Variants in SART3 observed in about 807,000 individuals in gnomAD.
The protein encoded by SART3 is spliceosome associated factor 3, U4/U6 recycling protein.
In SART3, 44 loss-of-function variants were observed where a neutral mutation model predicts 122.3. The observed-to-expected ratio is 0.36, with a 90% confidence interval of 0.28 to 0.46. SART3 has a LOEUF of 0.46. Ranked by LOEUF, SART3 falls within the 20% of genes least tolerant of loss-of-function variation. SART3 has a pLI of 1.00. For missense variants in SART3, 1,101 were observed against 1,229.0 expected (o/e 0.90, Z 1.56); for synonymous variants, 442 against 454.0 (o/e 0.97, Z 0.34).
rs145444864 is a variant in SART3 at position 108,528,125 on chromosome 12, G to A, written c.1916-1572C>T. ...AAATAAATATGACCCAGAGCTGCCC[G>A]TCCCTGAAATTACAAGGGTGAAAGA... On this transcript the variant is annotated intron_variant, in intron 15 of 18. Coordinates refer to ENST00000546815, the MANE Select transcript of SART3 (RefSeq NM_014706.4). Among the ~76,000 whole-genome samples, 1,148 of 152,218 alleles carry A rather than the reference G, an allele frequency of 7.5e-3. 11 individuals carry two copies. The highest frequency in any genetic ancestry group is 0.026 in the African/African-American group (1,086 of 41,526).
Position 108,549,324 on chromosome 12 carries a change from T to C in SART3, c.313-110A>G. On this transcript the variant is annotated intron_variant, in intron 1 of 18. Transcript: ENST00000546815. ...CCTGCCACAAACAAAATAAACGTGC[T>C]ATCTGAGAAAACCACTGAAACAGCA... The C allele has an allele frequency of 2.4e-6, 3 of 1,245,082 alleles. No individual in the cohort carries two copies. In the East Asian group the frequency reaches 7.4e-5, roughly 31 times the overall value. The allele number at this position is 1,245,082 out of a possible 1,614,324, so 77.1% of individuals were successfully genotyped here. A position where few individuals can be genotyped will look rare whatever the true frequency, so the allele number is the denominator to read the frequency against.
intron 1 of SART3, among the ~76,000 whole-genome samples, chr12:108,554,400 C>T (rs1282858570): frequency 6.6e-6 from 1 of 151,942 alleles, no homozygotes; most frequent in Non-Finnish European, 1.5e-5. Flanking sequence ...GAGAACAATA[C>T]ATAATGATCA....
At chr12:108,550,720 G>C (rs1450159768) in intron 1 of SART3, among the ~76,000 whole-genome samples, 4 of 152,128 alleles carry the variant, frequency 2.6e-5, no homozygotes. Flanking sequence ...AAAATTAGCT[G>C]GGTGTGGTGG....
intron 4 of SART3, 88 bp downstream of exon 4, chr12:108,545,051 C>G: frequency 7.7e-7 from 1 of 1,293,424 alleles, no homozygotes; most frequent in Non-Finnish European, 1.1e-6. Context: ...CTGCAAGATT[C>G]ATCATGGACA....
At chr12:108,558,273 T>C (rs1380868934) in intron 1 of SART3, among the ~76,000 whole-genome samples, 1 of 152,224 alleles carries the variant, frequency 6.6e-6, no homozygotes, top group Non-Finnish European at 1.5e-5. Flanking sequence ...TGCTCCGCCA[T>C]AAAAGCAGTT....
chr12:108,539,024 G>A lies in SART3; in HGVS notation c.972C>T (p.Gly324=), dbSNP rs545318551. 6.2e-6 allele frequency: 10 copies of A among 1,614,088 alleles called. No individual in the cohort carries two copies. The East Asian group carries it at 6.7e-5, about 11-fold the overall frequency. ...AGATCAACTGAATGCGAGCAGGATC[G>A]CCAATTTTCATCTCAAAATCGATAT... ...QAYIDFEMKI[G]DPARIQLIFE... is the part of the protein sequence containing the mutation. Residue 324 remains glycine, a synonymous_variant, in exon 7 of 19, where the codon GGC becomes GGT. Transcript: ENST00000546815.
At chr12:108,531,072 C>G (rs1872660006) in intron 14 of SART3, 132 bp downstream of exon 14, 10 of 697,894 alleles carry the variant, frequency 1.4e-5, no homozygotes, top group Non-Finnish European at 1.8e-5. Flanking sequence ...AAGCATTGAT[C>G]TAAATATTTT....
At chr12:108,552,450 T>C (rs60616769) in intron 1 of SART3, among the ~76,000 whole-genome samples, 29,417 of 139,584 alleles carry the variant, frequency 0.21, 3,751 homozygotes, top group East Asian at 0.5. Flanking sequence ...TATGGCTAAG[T>C]AGACAATCTT....
chr12:108,529,776 GCC>G (rs1269812479), intron 15 of SART3, among the ~76,000 whole-genome samples: 3 of 151,608 alleles, frequency 2.0e-5, no homozygotes, highest in African/African-American at 7.3e-5. Flanking sequence ...CAACTGGCCT[GCC>G]CCCTTACAAG....
At chr12:108,530,336 C>T (rs1358379071) in intron 14 of SART3, 26 bp from the exon 15 acceptor site, 9 of 1,612,802 alleles carry the variant, frequency 5.6e-6, no homozygotes, top group South Asian at 2.2e-5. Flanking sequence ...GATGATGCAT[C>T]GCTGGATGTG....
intron 3 of SART3, among the ~76,000 whole-genome samples, chr12:108,546,580 G>A (rs939409756): frequency 1.3e-5 from 2 of 150,200 alleles, no homozygotes; most frequent in African/African-American, 2.5e-5. Context: ...GAGTACAGTG[G>A]CACAATCTCG....
At chr12:108,558,812 T>A (rs2030339919) in intron 1 of SART3, among the ~76,000 whole-genome samples, 1 of 151,974 alleles carries the variant, frequency 6.6e-6, no homozygotes, top group Non-Finnish European at 1.5e-5. Context: ...GGCGGGCGGA[T>A]CACGAGGTCA....
At chr12:108,537,410 T>C in intron 9 of SART3, 78 bp downstream of exon 9, 1 of 1,058,152 alleles carries the variant, frequency 9.5e-7, no homozygotes, top group East Asian at 2.4e-5. Flanking sequence ...ACAATGTATC[T>C]GGGGAACTGG....
Position 108,523,549 on chromosome 12 carries a change from G to A in SART3, c.2800C>T (p.Pro934Ser). The A allele has an allele frequency of 1.2e-6, 2 of 1,613,992 alleles. No homozygotes were observed. The highest frequency in any genetic ancestry group is 8.5e-7 in the Non-Finnish European group (1 of 1,180,024). ...GCGGCAACTGCAGGAGCCGCGGCAG[G>A]GCCGTTCTCAGCCTGAGGAGCTGCA... ...SAAAPQAENG[P>S]AAAPAVAAPA... The change falls in exon 19 of 19, where the codon CCT (proline) becomes TCT (serine). Residue 934 changes from proline to serine, a missense_variant. Around this residue, in one of 2 missense-constraint regions of SART3, gnomAD observed 885 missense variants for 1,080.1 expected, o/e 0.82. Transcript: ENST00000546815.
Position 108,522,394 on chromosome 12 carries a change from CAG to C in SART3, c.*1061_*1062del, listed in dbSNP as rs1209501287. Among the ~76,000 whole-genome samples the C allele has an allele frequency of 3.3e-5, 5 of 152,302 alleles. No homozygotes were observed. The highest frequency in any genetic ancestry group is 7.4e-5 in the Non-Finnish European group (5 of 68,024). On this transcript the variant is annotated 3_prime_UTR_variant, in exon 19 of 19. Coordinates refer to ENST00000546815, the MANE Select transcript of SART3 (RefSeq NM_014706.4). Reference sequence around the variant, plus strand: ...ACAAGGATTCCCTGACGTCTTTCTCCAGAGTGTCTTAATAAAGCAAGCTTCCC... The same window carrying C: ...ACAAGGATTCCCTGACGTCTTTCTCCAGTGTCTTAATAAAGCAAGCTTCCC...
At chr12:108,557,209 T>G (rs990963916) in intron 1 of SART3, among the ~76,000 whole-genome samples, 5 of 126,900 alleles carry the variant, frequency 3.9e-5, no homozygotes, top group South Asian at 2.9e-4. Context: ...TGACATAGTT[T>G]TTTTTTTTTT....
At chr12:108,560,809 C>CT (rs1250415814) in intron 1 of SART3, 34 bp downstream of exon 1, 28 of 1,560,522 alleles carry the variant, frequency 1.8e-5, no homozygotes, top group Middle Eastern at 3.4e-4. Flanking sequence ...ACCTGAAAGA[C>CT]TGGAAGATGC....
At chr12:108,558,307 G>A (rs752267193) in intron 1 of SART3, among the ~76,000 whole-genome samples, 32 of 152,358 alleles carry the variant, frequency 2.1e-4, no homozygotes, top group Non-Finnish European at 4.1e-4. Context: ...GCAGCTGTGG[G>A]ATCAGGATGA....
chr12:108,524,825 C>G (rs1356858200), intron 17 of SART3: 1 of 415,038 alleles, frequency 2.4e-6, no homozygotes, highest in African/African-American at 2.0e-5. Context: ...GCAAATAAAC[C>G]AAGAGGTGGA....
Sources: allele counts gnomAD v4.1 joint callset (sites outside exome capture counted in the v4.1 genomes callset), GRCh38; gene constraint gnomAD v4.1.1; regional missense constraint gnomAD v4.1.1; transcripts MANE v1.5; gene names NCBI Gene and HGNC (gene_info 2026-07-23, HGNC 2026-07-21).